Variants in MAPRE2 observed in about 807,000 individuals in gnomAD.
The protein encoded by MAPRE2 is microtubule associated protein RP/EB family member 2.
In MAPRE2, 13 loss-of-function variants were observed where a neutral mutation model predicts 43.2. The ratio of observed to expected loss-of-function variants is 0.30; its 90% CI spans 0.20 to 0.48. The LOEUF is 0.48. MAPRE2 is among the 20% of genes least tolerant of loss of function. The pLI, the probability that MAPRE2 is intolerant of heterozygous loss-of-function variation, is 0.99. For missense variants in MAPRE2, 161 were observed against 400.2 expected, an observed-to-expected ratio of 0.40 and a Z score of 5.10; for synonymous variants, 135 against 148.8, an observed-to-expected ratio of 0.91 and a Z score of 0.68.
At chr18:35,038,661 C>T (rs2097051909), upstream of MAPRE2, among the ~76,000 whole-genome samples, 1 of 152,142 alleles carries the variant, frequency 6.6e-6, no homozygotes, top group Non-Finnish European at 1.5e-5. Context: ...TGTACTTTTC[C>T]TACATCGTAC....
At chr18:35,037,693 A>G (rs1568979129), upstream of MAPRE2, among the ~76,000 whole-genome samples, 1 of 152,084 alleles carries the variant, frequency 6.6e-6, no homozygotes, top group Non-Finnish European at 1.5e-5. Context: ...GACCTGGGTA[A>G]TTCTCCCTAC....
rs369651215 is a variant in MAPRE2 at position 35,137,703 on chromosome 18, C to T, written c.910-2592C>T. ...ACAATATAACTCACCGTGGAGGGCT[C>T]AGAGCCCGGCTGGAGAGACAGATGT... is the stretch of plus-strand genomic sequence containing the variant. On this transcript the variant is annotated intron_variant, in intron 6 of 6. Transcript: ENST00000300249. Among the ~76,000 whole-genome samples, 15 of 152,304 alleles carry T rather than the reference C, an allele frequency of 9.8e-5. 1 individual carries two copies. The highest frequency in any genetic ancestry group is 5.8e-4 in the East Asian group (3 of 5,174).
At chr18:34,995,528 C>A (rs2097026064) in intron 1 of MAPRE2, among the ~76,000 whole-genome samples, 1 of 152,094 alleles carries the variant, frequency 6.6e-6, no homozygotes, top group Non-Finnish European at 1.5e-5. Flanking sequence ...ACTAGTTAAT[C>A]AATTAAATAC....
intron 6 of MAPRE2, among the ~76,000 whole-genome samples, chr18:35,136,087 A>G (rs1450413500): frequency 6.6e-6 from 1 of 152,204 alleles, no homozygotes; most frequent in Non-Finnish European, 1.5e-5. Context: ...AGATGTGAAA[A>G]TCCAGGTGGG....
chr18:35,025,776 T>C (rs1915579322), intron 2 of MAPRE2, among the ~76,000 whole-genome samples: 1 of 152,214 alleles, frequency 6.6e-6, no homozygotes, highest in Non-Finnish European at 1.5e-5. Flanking sequence ...TAATAGATTC[T>C]TCCAAGAGCA....
At chr18:35,127,897 A>G (rs1039237211) in intron 5 of MAPRE2, among the ~76,000 whole-genome samples, 16 of 152,248 alleles carry the variant, frequency 1.1e-4, no homozygotes, top group Admixed American at 8.5e-4. Flanking sequence ...CTAAGATTAT[A>G]TGTAGCTTAA....
intron 1 of MAPRE2, among the ~76,000 whole-genome samples, chr18:34,982,750 C>G (rs2097017069): frequency 6.6e-6 from 1 of 152,016 alleles, no homozygotes; most frequent in African/African-American, 2.4e-5. Context: ...CATACAATTA[C>G]ATTAAGCTGT....
At chr18:34,979,677 A>C (rs2097015071) in intron 1 of MAPRE2, among the ~76,000 whole-genome samples, 1 of 152,214 alleles carries the variant, frequency 6.6e-6, no homozygotes, top group South Asian at 2.1e-4. Flanking sequence ...TTGCATACAA[A>C]AAAGTCAAAT....
chr18:34,999,459 A>G (rs373972224), intron 1 of MAPRE2, among the ~76,000 whole-genome samples: 3 of 152,334 alleles, frequency 2.0e-5, no homozygotes, highest in African/African-American at 7.2e-5. Context: ...CAGATGGATA[A>G]ATGATGATTC....
In MAPRE2 at chr18:35,140,261, A is replaced by G. The variant is rs764537246; in HGVS notation, c.910-34A>G. 10 of 1,598,384 alleles carry G rather than the reference A, an allele frequency of 6.3e-6. No homozygotes were observed. The East Asian group carries it at 2.0e-4, about 32-fold the overall frequency. ...TGCTGCAGGGCCCCATTCCCAGTCAATTATCTCAGCTGAAACTTCTCCCCT... is the reference window on the plus strand; with the variant it reads ...TGCTGCAGGGCCCCATTCCCAGTCAGTTATCTCAGCTGAAACTTCTCCCCT... On this transcript the variant is annotated intron_variant, in intron 6 of 6. Coordinates refer to ENST00000300249, the MANE Select transcript of MAPRE2 (RefSeq NM_014268.4).
At chr18:35,061,339 A>T (rs1306412038) in intron 1 of MAPRE2, among the ~76,000 whole-genome samples, 1 of 152,206 alleles carries the variant, frequency 6.6e-6, no homozygotes, top group Non-Finnish European at 1.5e-5. Flanking sequence ...CCTAATTTTG[A>T]GAGAAAAAAA....
At chr18:35,058,060 C>T (rs548562909) in intron 1 of MAPRE2, among the ~76,000 whole-genome samples, 2 of 152,296 alleles carry the variant, frequency 1.3e-5, no homozygotes, top group East Asian at 3.9e-4. Context: ...AGTACCTTGC[C>T]AACTGAACCC....
upstream of MAPRE2, among the ~76,000 whole-genome samples, chr18:35,039,185 A>C (rs902582640): frequency 1.3e-5 from 2 of 152,270 alleles, no homozygotes; most frequent in Non-Finnish European, 2.9e-5. Flanking sequence ...TACTCTGAGG[A>C]CATTAAATAT....
intron 2 of MAPRE2, among the ~76,000 whole-genome samples, chr18:35,076,627 A>C (rs1045959086): frequency 2.0e-5 from 3 of 152,186 alleles, no homozygotes; most frequent in African/African-American, 7.2e-5. Context: ...AGTAAAATGC[A>C]TGTGCTTTAG....
At chr18:34,999,660 A>AT (rs1472978831) in intron 1 of MAPRE2, among the ~76,000 whole-genome samples, 33 of 152,274 alleles carry the variant, frequency 2.2e-4, no homozygotes, top group Non-Finnish European at 4.0e-4. Flanking sequence ...GTGAGCTATA[A>AT]TTTTTTTGAA....
At chr18:35,004,225 C>T (rs747781337) in intron 1 of MAPRE2, among the ~76,000 whole-genome samples, 11 of 151,994 alleles carry the variant, frequency 7.2e-5, no homozygotes, top group Non-Finnish European at 1.3e-4. Context: ...ATAATTCTAC[C>T]AGCAACATCT....
chr18:35,019,506 T>C (rs1460143130), intron 2 of MAPRE2, among the ~76,000 whole-genome samples: 3 of 152,026 alleles, frequency 2.0e-5, no homozygotes, highest in African/African-American at 7.2e-5. Context: ...GATGTTAAAG[T>C]CCCCCACTAT....
Position 35,142,074 on chromosome 18 carries a change from C to T in MAPRE2, c.*1705C>T, listed in dbSNP as rs2144271892. 6.6e-6 allele frequency: 1 copy of T among 152,336 alleles called. No individual in the cohort carries two copies. The highest frequency in any genetic ancestry group is 6.5e-5 in the Admixed American group (1 of 15,304). The allele number at this position is 152,336 out of a possible 1,614,324, so 9.4% of individuals were successfully genotyped here. The stretch of plus-strand genomic sequence containing the variant: ...GTGGTGTTTGGTTTCCCTTTCTTCT[C>T]TCTCCTGCTCACTCTGCATTATAGC... On this transcript the variant is annotated 3_prime_UTR_variant, in exon 7 of 7. Transcript: ENST00000300249.
intron 2 of MAPRE2, among the ~76,000 whole-genome samples, chr18:35,093,630 G>A (rs1288268187): frequency 3.3e-5 from 5 of 152,202 alleles, no homozygotes; most frequent in African/African-American, 4.8e-5. Context: ...ATGGATGAAC[G>A]TGGAGGACGT....
Sources: allele counts gnomAD v4.1 joint callset (sites outside exome capture counted in the v4.1 genomes callset), GRCh38; gene constraint gnomAD v4.1.1; transcripts MANE v1.5; gene names NCBI Gene and HGNC (gene_info 2026-07-23, HGNC 2026-07-21).